The following PON3 variants were observed in gnomAD, a reference collection of about 807,000 sequenced individuals.
PON3 encodes the protein serum paraoxonase/lactonase 3.
In PON3, 37 loss-of-function variants were observed where a neutral mutation model predicts 36.3. The ratio of observed to expected loss-of-function variants is 1.02; its 90% confidence interval spans 0.78 to 1.34. PON3 has a LOEUF of 1.34. PON3 is among the 40% of genes most tolerant of loss of function. The pLI, the probability that PON3 is intolerant of heterozygous loss-of-function variation, is 0.00. For missense variants in PON3, 415 were observed against 426.5 expected, an observed-to-expected ratio of 0.97 and a Z score of 0.24; for synonymous variants, 155 against 154.8, an observed-to-expected ratio of 1.00 and a Z score of -0.01.
intron 3 of PON3, among the ~76,000 whole-genome samples, chr7:95,378,044 A>G (rs944707549): frequency 5.9e-5 from 9 of 152,206 alleles, no homozygotes; most frequent in Non-Finnish European, 8.8e-5. Context: ...TAGAATAAGC[A>G]GTGTAGAGAA....
In PON3 at chr7:95,372,180, G is replaced by A. The variant is rs779151483; in HGVS notation, c.360C>T (p.Ile120=). ...LFNPHGISIF[I]DKDNTVYLYV... ...TAAACATACAGGTTTTACCTTTGTC[G>A]ATGAAAATACTGATCCCATGTGGAT... The change falls in exon 4 of 9, where the codon ATC becomes ATT. Residue 120 remains isoleucine, a synonymous_variant. Transcript: ENST00000265627. 1.3e-5 allele frequency: 21 copies of A among 1,613,092 alleles called. No homozygotes were observed. The highest frequency in any genetic ancestry group is 8.8e-5 in the South Asian group (8 of 91,046).
chr7:95,369,327 A>C (rs547493175), intron 4 of PON3, among the ~76,000 whole-genome samples: 1 of 152,354 alleles, frequency 6.6e-6, no homozygotes, highest in African/African-American at 2.4e-5. Context: ...AAAAATTATT[A>C]AATAAATTAA....
intron 2 of PON3, 127 bp downstream of exon 2, chr7:95,394,517 A>G: frequency 1.3e-6 from 1 of 787,456 alleles, no homozygotes; most frequent in Non-Finnish European, 2.2e-6. Context: ...GGCAGAGTGG[A>G]CGGGGCAGAT....
intron 4 of PON3, among the ~76,000 whole-genome samples, chr7:95,371,743 G>GT (rs17878870): frequency 7.2e-4 from 110 of 152,060 alleles, no homozygotes; most frequent in African/African-American, 2.4e-3. Context: ...TCTTTGGGTT[G>GT]TTTTTCACTT....
At chr7:95,394,499 T>C (rs1201035861) in intron 2 of PON3, 145 bp downstream of exon 2, 2 of 719,374 alleles carry the variant, frequency 2.8e-6, no homozygotes, top group East Asian at 2.7e-5. Flanking sequence ...CCTGAAGACC[T>C]TGCATGGGGC....
intron 3 of PON3, among the ~76,000 whole-genome samples, chr7:95,387,965 C>T (rs1338932333): frequency 6.6e-6 from 1 of 152,116 alleles, no homozygotes; most frequent in Non-Finnish European, 1.5e-5. Context: ...TTCCTCACAC[C>T]TTATACAAAA....
At chr7:95,377,690 C>A in intron 3 of PON3, 1 of 245,410 alleles carries the variant, frequency 4.1e-6, no homozygotes. Flanking sequence ...AGAGGCGCGA[C>A]TGTTAGAAGG....
At chr7:95,363,763 T>A (rs1808629005) in intron 6 of PON3, 100 bp downstream of exon 6, 1 of 1,145,970 alleles carries the variant, frequency 8.7e-7, no homozygotes, top group Non-Finnish European at 1.3e-6. Flanking sequence ...ACACATATAT[T>A]CACTACGTAA....
At chr7:95,381,607 G>T (rs1277485671) in intron 3 of PON3, among the ~76,000 whole-genome samples, 2 of 152,060 alleles carry the variant, frequency 1.3e-5, no homozygotes, top group Non-Finnish European at 2.9e-5. Context: ...AGACAAAGAA[G>T]GCCATTAAAC....
At chr7:95,385,475 C>T (rs1809168414) in intron 3 of PON3, among the ~76,000 whole-genome samples, 1 of 152,132 alleles carries the variant, frequency 6.6e-6, no homozygotes, top group African/African-American at 2.4e-5. Flanking sequence ...TACTGGGAGA[C>T]TTTAACACCC....
chr7:95,364,291 A>T (rs1056008478), intron 5 of PON3: 2 of 564,154 alleles, frequency 3.5e-6, no homozygotes, highest in Non-Finnish European at 3.2e-6. Flanking sequence ...CACAGAAATC[A>T]GTGAAAAGAA....
chr7:95,364,386 T>C, intron 5 of PON3: 1 of 383,744 alleles, frequency 2.6e-6, no homozygotes, highest in East Asian at 6.1e-5. Flanking sequence ...TGTAGTGCAG[T>C]TCACTGATAG....
chr7:95,372,605 A>T (rs1230442753), intron 3 of PON3, among the ~76,000 whole-genome samples: 1 of 152,176 alleles, frequency 6.6e-6, no homozygotes, highest in African/African-American at 2.4e-5. Flanking sequence ...AGCCAAAAAA[A>T]TATAACAGAA....
intron 3 of PON3, among the ~76,000 whole-genome samples, chr7:95,381,108 C>T (rs1430913219): frequency 6.6e-6 from 1 of 152,168 alleles, no homozygotes; most frequent in Non-Finnish European, 1.5e-5. Flanking sequence ...AACTAAGCTT[C>T]ACAAGTGAAG....
Position 95,390,189 on chromosome 7 carries a change from C to T in PON3, c.166G>A (p.Asp56Asn), listed in dbSNP as rs781216028. ...EELESGSEDI[D>N]ILPSGLAFIS... ...AAAGCCAGCCCACTAGGAAGTATAT[C>T]AATATCTTCAGAGCCACTTTCTGCA... Residue 56 changes from aspartate to asparagine, a missense_variant, in exon 3 of 9, where the codon GAT (aspartate) becomes AAT (asparagine). Transcript: ENST00000265627. 6.2e-7 allele frequency: 1 copy of T among 1,611,904 alleles called. No homozygotes were observed. Among genetic ancestry groups the T allele is most frequent in the South Asian group, 1.1e-5 (1 of 91,018 alleles).
rs139920975 is a variant in PON3, at chr7:95,394,644, C to G, written c.145G>C (p.Glu49Gln). 2 of 1,613,502 alleles carry G rather than the reference C, an allele frequency of 1.2e-6. No homozygotes were observed. Among genetic ancestry groups the G allele is most frequent in the Non-Finnish European group, 1.7e-6 (2 of 1,179,578 alleles). Residue 49 changes from glutamate to glutamine, a missense_variant and splice_region_variant, in exon 2 of 9, where the codon GAA becomes CAA. Transcript: ENST00000265627. The part of the protein sequence containing the change: ...PENCHLIEEL[E>Q]SGSEDIDILP... The stretch of plus-strand genomic sequence containing the variant: ...CCTCTTGGTACTGTCACATACATAC[C>G]AAGTTCCTCAATAAGGTGGCAGTTT...
chr7:95,364,817 C>A (rs576468921), intron 5 of PON3: 1 of 151,806 alleles, frequency 6.6e-6, no homozygotes, highest in African/African-American at 2.4e-5. Context: ...TTCTTTCTTA[C>A]GTTCTTCAAT....
intron 3 of PON3, among the ~76,000 whole-genome samples, chr7:95,372,884 G>T (rs1028993805): frequency 1.3e-5 from 2 of 152,076 alleles, no homozygotes; most frequent in East Asian, 1.9e-4. Context: ...GACTATTTTT[G>T]ACCTATTTTG....
In PON3 at chr7:95,364,011, G is replaced by C; in HGVS notation, c.547C>G (p.His183Asp). Reference protein sequence around the residue: ...GPEQFYATRDHYFTNSLLSFF... With the variant: ...GPEQFYATRDDYFTNSLLSFF... ...GACAGGAGGGAGTTGGTAAAATAGT[G>C]GTCTCTGGTGGCATAGAACTGTTCT... Residue 183 changes from histidine to aspartate, a missense_variant, in exon 6 of 9, where the codon CAC (histidine) becomes GAC (aspartate). Physicochemically the swap from His to Asp is moderately conservative, Grantham distance 81. Transcript: ENST00000265627. 1.2e-6 allele frequency: 2 copies of C among 1,613,798 alleles called. No homozygotes were observed. The highest frequency in any genetic ancestry group is 1.7e-5 in the Admixed American group (1 of 60,000).
Sources: gnomAD v4.1 joint callset for allele counts (sites outside exome capture counted in the v4.1 genomes callset) on GRCh38, gnomAD v4.1.1 for gene constraint, MANE v1.5 for transcripts, NCBI Gene and HGNC (gene_info 2026-07-23, HGNC 2026-07-21) for gene names.